Variants in DSP observed in about 807,000 individuals in gnomAD.
DSP encodes the protein desmoplakin.
DSP carries 114 observed loss-of-function variants against 290.6 expected under a neutral mutation model. The ratio of observed to expected loss-of-function variants is 0.39; its 90% CI spans 0.34 to 0.46. The LOEUF is 0.46. Among genes scored for constraint, DSP ranks in the 20% least tolerant of loss-of-function variants. The pLI is 0.99. For synonymous variants in DSP, 1,311 were observed against 1,316.4 expected, an observed-to-expected ratio of 1.00 and a Z score of 0.09; for missense variants, 3,230 against 3,495.8, an observed-to-expected ratio of 0.92 and a Z score of 1.92.
At chr6:7,581,812 C>G (rs529589870) in intron 23 of DSP, among the ~76,000 whole-genome samples, 1 of 152,220 alleles carries the variant, frequency 6.6e-6, no homozygotes, top group East Asian at 1.9e-4. Flanking sequence ...GTGTTTGGCC[C>G]TGCTTTTAAG....
At position 7,565,835 on chromosome 6, in the gene DSP, G is replaced by T. The variant is rs1758847223; in HGVS notation, c.939+315G>T. 1 of 406,702 alleles carries T rather than the reference G, an allele frequency of 2.5e-6. No individual in the cohort carries two copies. Among genetic ancestry groups the T allele is most frequent in the Non-Finnish European group, 4.6e-6 (1 of 215,652 alleles). 25.2% of individuals were successfully genotyped at this position (406,702 alleles called of 1,614,324 possible). A position where few individuals can be genotyped will look rare whatever the true frequency, so the allele number is the denominator to read the frequency against. On this transcript the variant is annotated intron_variant, in intron 7 of 23. Transcript: ENST00000379802. The surrounding 1 kb of genome is among the most constrained non-coding windows in gnomAD (Gnocchi z 4.2). ...GGGGCCTTTCGGAGGGCAGAGGGTG[G>T]AGGTGGAAGGAGGGAGAGGATCAGG...
At chr6:7,568,686 T>C in intron 11 of DSP, 97 bp downstream of exon 11, 4 of 1,305,028 alleles carry the variant, frequency 3.1e-6, no homozygotes, top group Non-Finnish European at 4.4e-6. Context: ...AGTTCAATAA[T>C]CACCACAGTC....
chr6:7,573,989 G>A (rs899605892), intron 15 of DSP, 97 bp from the exon 16 acceptor site: 1 of 1,253,840 alleles, frequency 8.0e-7, no homozygotes, highest in Non-Finnish European at 1.2e-6. Flanking sequence ...ATTTCACTGT[G>A]TCTATGTGTA....
chr6:7,560,830 AAGAC>A (rs1452528261), intron 4 of DSP, among the ~76,000 whole-genome samples: 1 of 152,246 alleles, frequency 6.6e-6, no homozygotes, highest in Non-Finnish European at 1.5e-5. Flanking sequence ...GTTATAAAAA[AAGAC>A]AGCCTGTAAT....
chr6:7,554,123 A>ACACACACACACACACACACC (rs1364448993), intron 1 of DSP, among the ~76,000 whole-genome samples: 4 of 150,758 alleles, frequency 2.7e-5, no homozygotes, highest in Admixed American at 6.6e-5. Flanking sequence ...ACACACACAC[A>ACACACACACACACACACACC]CACCCAGTTG....
chr6:7,568,351 A>T lies in DSP; in HGVS notation c.1267-86A>T, dbSNP rs749943799. On this transcript the variant is annotated intron_variant, in intron 10 of 23. Coordinates refer to ENST00000379802, the MANE Select transcript of DSP (RefSeq NM_004415.4). ...CAACTGCAGTGATACTCAGTGTGTC[A>T]TGTAGCTACATTAATGCAGGTTGAA... 3.5e-6 allele frequency: 5 copies of T among 1,431,314 alleles called. No homozygotes were observed. In the East Asian group the frequency reaches 1.1e-4, roughly 33 times the overall value. 88.7% of individuals were successfully genotyped at this position (1,431,314 alleles called of 1,614,324 possible). A position where few individuals can be genotyped will look rare whatever the true frequency, so the allele number is the denominator to read the frequency against.
chr6:7,585,896 T>C lies in DSP; in HGVS notation c.*18T>C, dbSNP rs975959324. The C allele has an allele frequency of 1.9e-6, 3 of 1,607,978 alleles. No homozygotes were observed. Among genetic ancestry groups the C allele is most frequent in the South Asian group, 2.2e-5 (2 of 90,750 alleles). ...GGCACTAGTAGTCAGTTGGGAGTGG[T>C]TGCTATACCTTGACTTCATTTATAT... On this transcript the variant is annotated 3_prime_UTR_variant, in exon 24 of 24. Transcript: ENST00000379802.
chr6:7,583,882 G>C lies in DSP; in HGVS notation c.6620G>C (p.Ser2207Thr). 1 of 1,614,162 alleles carries C rather than the reference G, an allele frequency of 6.2e-7. No individual in the cohort carries two copies. The highest frequency in any genetic ancestry group is 8.5e-7 in the Non-Finnish European group (1 of 1,180,038). The change falls in exon 24 of 24, where the codon AGC (serine) becomes ACC (threonine). Residue 2207 changes from serine to threonine, a missense_variant. Transcript: ENST00000379802. This position sits in a 1 kb window ranked among gnomAD's most constrained non-coding sequence, Gnocchi z 4.0. ...GLLLLSVQKR[S>T]MSFQGIRQPV... The stretch of plus-strand genomic sequence containing the variant: ...CTCTTGCTTTCAGTACAGAAGAGAA[G>C]CATGTCCTTCCAAGGAATCAGACAA...
Position 7,565,660 on chromosome 6 carries a change from T to A in DSP, c.939+140T>A. 8.4e-7 allele frequency: 1 copy of A among 1,194,442 alleles called. No homozygotes were observed. Among genetic ancestry groups the A allele is most frequent in the Admixed American group, 2.1e-5 (1 of 48,138 alleles). 74.0% of individuals were successfully genotyped at this position (1,194,442 alleles called of 1,614,324 possible). A position where few individuals can be genotyped will look rare whatever the true frequency, so the allele number is the denominator to read the frequency against. The stretch of plus-strand genomic sequence containing the variant: ...CCTTCTTTGAAATGGTCGTGAAAAA[T>A]CCTTCCTTCCTGAAAACTTCTCCGT... On this transcript the variant is annotated intron_variant, in intron 7 of 23. Transcript: ENST00000379802. This position sits in a 1 kb window ranked among gnomAD's most constrained non-coding sequence, Gnocchi z 4.2.
intron 3 of DSP, among the ~76,000 whole-genome samples, 180 bp from the exon 4 acceptor site, chr6:7,559,046 T>C (rs1758591963): frequency 6.6e-6 from 1 of 152,116 alleles, no homozygotes; most frequent in African/African-American, 2.4e-5. Flanking sequence ...TCCTAAGATT[T>C]AATTTTTTGT....
In DSP at chr6:7,580,142, A is replaced by G; in HGVS notation, c.3952A>G (p.Lys1318Glu). The G allele has an allele frequency of 6.2e-7, 1 of 1,614,164 alleles. No homozygotes were observed. The highest frequency in any genetic ancestry group is 8.5e-7 in the Non-Finnish European group (1 of 1,180,016). ...RHKQSLEEAAKTIQDKNKEIE... is the reference protein window; with the variant it reads ...RHKQSLEEAAETIQDKNKEIE... The stretch of plus-strand genomic sequence containing the variant: ...CAAGCAGTCCCTGGAGGAGGCTGCC[A>G]AGACCATTCAGGACAAAAATAAGGA... Residue 1318 changes from lysine to glutamate, a missense_variant, in exon 23 of 24, where the codon AAG (lysine) becomes GAG (glutamate). By Grantham distance (56) the Lys-to-Glu change is moderately conservative (BLOSUM62 1). Around this residue, in one of 5 missense-constraint regions of DSP, gnomAD observed 1,714 missense variants for 1,844.5 expected, o/e 0.93. Transcript: ENST00000379802. The surrounding 1 kb of genome is among the most constrained non-coding windows in gnomAD (Gnocchi z 4.2).
Position 7,583,805 on chromosome 6 carries a change from C to T in DSP, c.6543C>T (p.Val2181=), listed in dbSNP as rs1759539213. The part of the protein sequence containing the change: ...NFVDPVTKKK[V]SYVQLKERCR... ...TGGATCCAGTCACCAAAAAGAAGGT[C>T]AGTTACGTGCAGCTGAAGGAACGGT... is the stretch of plus-strand genomic sequence containing the variant. Residue 2181 remains valine, a synonymous_variant, in exon 24 of 24, where the codon GTC becomes GTT. Transcript: ENST00000379802. This position sits in a 1 kb window ranked among gnomAD's most constrained non-coding sequence, Gnocchi z 4.0. The T allele has an allele frequency of 5.0e-6, 8 of 1,613,932 alleles. No homozygotes were observed. The highest frequency in any genetic ancestry group is 5.9e-6 in the Non-Finnish European group (7 of 1,180,016).
In DSP at chr6:7,583,991, T is replaced by C. The variant is rs188533371; in HGVS notation, c.6729T>C (p.Tyr2243=). 3 of 1,614,182 alleles carry C rather than the reference T, an allele frequency of 1.9e-6. No homozygotes were observed. The highest frequency in any genetic ancestry group is 1.7e-5 in the Admixed American group (1 of 60,022). The change falls in exon 24 of 24, where the codon TAT becomes TAC. Residue 2243 remains tyrosine (Y), a synonymous_variant. Coordinates refer to ENST00000379802, the MANE Select transcript of DSP (RefSeq NM_004415.4). The surrounding 1 kb of genome is among the most constrained non-coding windows in gnomAD (Gnocchi z 4.0). ...VNELESGQIS[Y]DEVGERIKDF... ...AACTGGAATCTGGTCAGATTTCTTA[T>C]GACGAGGTTGGTGAGAGAATTAAGG...
chr6:7,582,021 G>A lies in DSP; in HGVS notation c.5379+452G>A, dbSNP rs1759453804. On this transcript the variant is annotated intron_variant, in intron 23 of 23. Coordinates refer to ENST00000379802, the MANE Select transcript of DSP (RefSeq NM_004415.4). The surrounding 1 kb of genome is among the most constrained non-coding windows in gnomAD (Gnocchi z 4.2). The stretch of plus-strand genomic sequence containing the variant: ...GATTTTTTTGCATGGATTATTTAGT[G>A]TTCGCTTTTGATCATGGCCCTAGTG... 6.6e-6 allele frequency among the ~76,000 whole-genome samples: 1 copy of A among 151,774 alleles called. No homozygotes were observed. Among genetic ancestry groups the A allele is most frequent in the Non-Finnish European group, 1.5e-5 (1 of 67,958 alleles).
At chr6:7,551,939 G>A (rs2237104) in intron 1 of DSP, among the ~76,000 whole-genome samples, 6 of 151,802 alleles carry the variant, frequency 4.0e-5, no homozygotes, top group Admixed American at 6.6e-5. Flanking sequence ...TCTCGCCTCG[G>A]TCTGTTTCCA....
Position 7,580,990 on chromosome 6 carries a change from C to T in DSP, c.4800C>T (p.Gly1600=). ...KRKKLEEELE[G]MRRSLKEQAI... ...AGAAGCTGGAGGAAGAGCTGGAAGG[C>T]ATGAGGAGGTCGCTGAAGGAGCAAG... Residue 1600 remains glycine (G), a synonymous_variant, in exon 23 of 24, where the codon GGC becomes GGT. Coordinates refer to ENST00000379802, the MANE Select transcript of DSP (RefSeq NM_004415.4). The surrounding 1 kb of genome is among the most constrained non-coding windows in gnomAD (Gnocchi z 4.2). 6.2e-7 allele frequency: 1 copy of T among 1,614,026 alleles called. No individual in the cohort carries two copies. The highest frequency in any genetic ancestry group is 8.5e-7 in the Non-Finnish European group (1 of 1,180,000).
At position 7,580,823 on chromosome 6, in the gene DSP, G is replaced by A. The variant is rs754906099; in HGVS notation, c.4633G>A (p.Val1545Ile). The A allele has an allele frequency of 6.2e-7, 1 of 1,614,162 alleles. No homozygotes were observed. Among genetic ancestry groups the A allele is most frequent in the East Asian group, 2.2e-5 (1 of 44,886 alleles). Residue 1545 changes from valine (V) to isoleucine (I), a missense_variant, in exon 23 of 24, where the codon GTT becomes ATT. Val to Ile is a conservative substitution (Grantham distance 29). Around this residue, in one of 5 missense-constraint regions of DSP, gnomAD observed 1,714 missense variants for 1,844.5 expected, o/e 0.93. Coordinates refer to ENST00000379802, the MANE Select transcript of DSP (RefSeq NM_004415.4). This position sits in a 1 kb window ranked among gnomAD's most constrained non-coding sequence, Gnocchi z 4.2. ...LTRLRIDYER[V>I]SQERTVKDQD... is the part of the protein sequence containing the mutation. Reference sequence around the variant, plus strand: ...ACGCCTGAGGATCGACTATGAAAGGGTTTCCCAGGAGAGGACTGTGAAGGA... The same window carrying A: ...ACGCCTGAGGATCGACTATGAAAGGATTTCCCAGGAGAGGACTGTGAAGGA...
At chr6:7,574,817 G>T (rs763897955) in intron 17 of DSP, 22 bp downstream of exon 17, 1 of 1,614,004 alleles carries the variant, frequency 6.2e-7, no homozygotes, top group Non-Finnish European at 8.5e-7. Flanking sequence ...GCTTATAACA[G>T]TGGCCCAACT....
intron 1 of DSP, among the ~76,000 whole-genome samples, chr6:7,543,459 T>C (rs1236454148): frequency 4.7e-5 from 7 of 147,982 alleles, no homozygotes; most frequent in African/African-American, 7.5e-5. Context: ...CTTTGTTTCC[T>C]GAACAAAATG....
Sources: allele counts gnomAD v4.1 joint callset (sites outside exome capture counted in the v4.1 genomes callset), GRCh38; gene constraint gnomAD v4.1.1; regional missense constraint gnomAD v4.1.1; non-coding constraint Gnocchi (gnomAD v3.1); transcripts MANE v1.5; gene names NCBI Gene and HGNC (gene_info 2026-07-23, HGNC 2026-07-21).